The following ROCK2 variants were observed in gnomAD, a reference collection of about 807,000 sequenced individuals.
ROCK2 encodes the protein rho-associated protein kinase 2.
A neutral mutation model predicts 195.1 loss-of-function variants in ROCK2; 61 were observed. That is an observed-to-expected ratio of 0.31 (90% CI 0.25 to 0.39). The LOEUF is 0.39. ROCK2 is among the 10% of genes least tolerant of loss of function. The pLI is 1.00. For missense variants in ROCK2, 1,109 were observed against 1,637.4 expected (o/e 0.68, Z 5.57); for synonymous variants, 504 against 545.5 (o/e 0.92, Z 1.06).
chr2:11,251,693 C>T (rs1288504921), intron 3 of ROCK2, among the ~76,000 whole-genome samples: 2 of 152,192 alleles, frequency 1.3e-5, no homozygotes, highest in Non-Finnish European at 2.9e-5. Context: ...AGCTTCTGCA[C>T]AACAAAAGAA....
intron 4 of ROCK2, among the ~76,000 whole-genome samples, chr2:11,245,650 C>A (rs1407219592): frequency 2.0e-5 from 3 of 152,182 alleles, no homozygotes; most frequent in Non-Finnish European, 2.9e-5. Flanking sequence ...GTTAATTACA[C>A]ATCAAGAGCA....
At position 11,182,669 on chromosome 2, in the gene ROCK2, TGA is replaced by T. The variant is rs1663049927; in HGVS notation, c.*766_*767del. On this transcript the variant is annotated 3_prime_UTR_variant, in exon 33 of 33. Transcript: ENST00000315872. ...TTTTGTTTTTTAATACAGACAGGGCTGAGACTTTGAAAAAAATTAAATTAAGG... is the reference window on the plus strand; with the variant it reads ...TTTTGTTTTTTAATACAGACAGGGCTGACTTTGAAAAAAATTAAATTAAGG... 1 of 152,598 alleles carries T rather than the reference TGA, an allele frequency of 6.6e-6. No homozygotes were observed. The highest frequency in any genetic ancestry group is 2.4e-5 in the African/African-American group (1 of 41,442). 9.5% of individuals were successfully genotyped at this position (152,598 alleles called of 1,614,324 possible).
At chr2:11,221,157 T>G in intron 9 of ROCK2, 41 bp downstream of exon 9, 1 of 1,431,250 alleles carries the variant, frequency 7.0e-7, no homozygotes, top group Non-Finnish European at 9.3e-7. Context: ...TATAGCTAGA[T>G]TCTAAAAACA....
At chr2:11,185,478 C>A (rs1444487258) in intron 32 of ROCK2, among the ~76,000 whole-genome samples, 1 of 152,198 alleles carries the variant, frequency 6.6e-6, no homozygotes, top group Non-Finnish European at 1.5e-5. Flanking sequence ...TCTGTAATCC[C>A]AGCACTTTGG....
chr2:11,321,966 A>T (rs1265565624), intron 1 of ROCK2, among the ~76,000 whole-genome samples: 1 of 152,180 alleles, frequency 6.6e-6, no homozygotes. Context: ...AAATAAGGTC[A>T]TCAGAGTGGG....
chr2:11,272,360 G>C (rs1666668397), intron 3 of ROCK2, among the ~76,000 whole-genome samples: 1 of 152,096 alleles, frequency 6.6e-6, no homozygotes, highest in South Asian at 2.1e-4. Flanking sequence ...TGTAATAATG[G>C]ATTATAATTG....
chr2:11,325,783 G>A (rs540551015), intron 1 of ROCK2, among the ~76,000 whole-genome samples: 15 of 152,186 alleles, frequency 9.9e-5, no homozygotes, highest in African/African-American at 3.6e-4. Flanking sequence ...AGAAAAGCTG[G>A]GGGAAAGAAC....
intron 3 of ROCK2, among the ~76,000 whole-genome samples, chr2:11,279,889 C>T (rs908312640): frequency 7.9e-5 from 12 of 152,042 alleles, no homozygotes; most frequent in Non-Finnish European, 1.6e-4. Context: ...ACTAGAAAAT[C>T]CCAAAATATG....
At chr2:11,189,219 CA>C (rs1663323405) in intron 32 of ROCK2, among the ~76,000 whole-genome samples, 1 of 152,150 alleles carries the variant, frequency 6.6e-6, no homozygotes, top group African/African-American at 2.4e-5. Flanking sequence ...CAAATTAGTT[CA>C]ACTAAAGCTA....
At position 11,224,381 on chromosome 2, in the gene ROCK2, A is replaced by G. The variant is rs189885253; in HGVS notation, c.948T>C (p.Pro316=). Residue 316 remains proline, a synonymous_variant, in exon 7 of 33, where the codon CCT becomes CCC. Coordinates refer to ENST00000315872, the MANE Select transcript of ROCK2 (RefSeq NM_004850.5). ...CATGTTTGGAAATTTCTGCATCTTCAGGGAAACACAGTGAATTCTTATGAT... is the reference window on the plus strand; with the variant it reads ...CATGTTTGGAAATTTCTGCATCTTCGGGGAAACACAGTGAATTCTTATGAT... ...IMDHKNSLCF[P]EDAEISKHAK... The G allele has an allele frequency of 6.2e-7, 1 of 1,613,334 alleles. No homozygotes were observed. Among genetic ancestry groups the G allele is most frequent in the South Asian group, 1.1e-5 (1 of 91,024 alleles).
intron 3 of ROCK2, among the ~76,000 whole-genome samples, chr2:11,276,856 T>C (rs1032398216): frequency 1.6e-4 from 24 of 152,082 alleles, no homozygotes; most frequent in African/African-American, 5.6e-4. Flanking sequence ...AGGAAGGAAT[T>C]AGGATTATTT....
intron 3 of ROCK2, among the ~76,000 whole-genome samples, chr2:11,262,545 ATG>A (rs1231647517): frequency 6.6e-6 from 1 of 152,158 alleles, no homozygotes; most frequent in Non-Finnish European, 1.5e-5. Context: ...TGCTGTTCTC[ATG>A]ATAGTAAGTA....
chr2:11,207,629 G>C, intron 20 of ROCK2, 97 bp downstream of exon 20: 1 of 896,594 alleles, frequency 1.1e-6, no homozygotes, highest in Non-Finnish European at 1.6e-6. Context: ...ACATGGTCTA[G>C]AAAGTAAAAT....
rs1572320039 is a variant in ROCK2 at position 11,256,543 on chromosome 2, G to A, written c.325-6745C>T. ...CTCAGGTAGTTCTTTACAGCAATGT[G>A]AGAACGGACTAATACATATATCTAA... is the stretch of plus-strand genomic sequence containing the variant. On this transcript the variant is annotated intron_variant, in intron 3 of 32. Transcript: ENST00000315872. 3.3e-5 allele frequency among the ~76,000 whole-genome samples: 5 copies of A among 150,882 alleles called. No individual in the cohort carries two copies. The East Asian group carries it at 9.6e-4, about 29-fold the overall frequency.
In ROCK2 at chr2:11,195,018, T is replaced by C. The variant is rs2148034231; in HGVS notation, c.3456A>G (p.Arg1152=). ...CAGGCAATGAAAGCCATCCTTCTAA[T>C]CTTGATTCTACAAATAAGCACAACA... ...AEADDGFPES[R]LEGWLSLPVR... Residue 1152 remains arginine, a synonymous_variant, in exon 28 of 33, where the codon AGA becomes AGG. Transcript: ENST00000315872. 1 of 1,567,536 alleles carries C rather than the reference T, an allele frequency of 6.4e-7. No individual in the cohort carries two copies.
At chr2:11,207,985 T>C (rs891645223) in intron 19 of ROCK2, 75 bp from the exon 20 acceptor site, 2 of 1,151,242 alleles carry the variant, frequency 1.7e-6, no homozygotes, top group East Asian at 2.7e-5. Flanking sequence ...TGGTATAAAA[T>C]ATGGTGATGT....
chr2:11,229,602 G>A (rs1183432935), intron 5 of ROCK2, among the ~76,000 whole-genome samples: 1 of 150,800 alleles, frequency 6.6e-6, no homozygotes, highest in East Asian at 1.9e-4. Context: ...CAGGATGTGG[G>A]GGGAACTCTA....
chr2:11,333,819 C>G (rs543964807), intron 1 of ROCK2, among the ~76,000 whole-genome samples: 1 of 152,080 alleles, frequency 6.6e-6, no homozygotes, highest in African/African-American at 2.4e-5. Context: ...ACAGGCATAA[C>G]TAGGTACATA....
chr2:11,213,616 T>G (rs1664323984), intron 17 of ROCK2, among the ~76,000 whole-genome samples: 1 of 92,374 alleles, frequency 1.1e-5, no homozygotes. Context: ...TGACTCCCAC[T>G]CTATACTCCA....
Sources: gnomAD v4.1 joint callset for allele counts (sites outside exome capture counted in the v4.1 genomes callset) on GRCh38, gnomAD v4.1.1 for gene constraint, MANE v1.5 for transcripts, NCBI Gene and HGNC (gene_info 2026-07-23, HGNC 2026-07-21) for gene names.